Variants in PRKN observed in about 807,000 individuals in gnomAD.
PRKN encodes E3 ubiquitin-protein ligase parkin.
PRKN carries 56 observed loss-of-function variants against 59.5 expected under a neutral mutation model. That is an observed-to-expected ratio of 0.94 (90% CI 0.76 to 1.18). PRKN has a LOEUF of 1.18. Among genes scored for constraint, PRKN ranks in the 50% most tolerant of loss-of-function variants. The probability of loss-of-function intolerance (pLI) is 0.00; values close to 1 mark genes in which losing one functional copy is unlikely to be tolerated. For synonymous variants in PRKN, 250 were observed against 222.1 expected, an observed-to-expected ratio of 1.13 and a Z score of -1.12; for missense variants, 657 against 596.4, an observed-to-expected ratio of 1.10 and a Z score of -1.06.
rs112268739 is a variant in PRKN, at chr6:162,480,976, TTGTG to T, written c.8-37507_8-37504del. On this transcript the variant is annotated intron_variant, in intron 1 of 11. Coordinates refer to ENST00000366898, the MANE Select transcript of PRKN (RefSeq NM_004562.3). ...GTGCACCACCAAGCCCAGCTAATTT[TTGTG>T]TGTGTGTGTGTGTGTGTATTTTTAG... Among the ~76,000 whole-genome samples the T allele has an allele frequency of 5.0e-3, 747 of 150,028 alleles. 7 individuals are homozygous for T. Among genetic ancestry groups the T allele is most frequent in the African/African-American group, 0.018 (723 of 40,854 alleles).
At chr6:162,610,995 T>C (rs1258981942) in intron 1 of PRKN, among the ~76,000 whole-genome samples, 3 of 152,184 alleles carry the variant, frequency 2.0e-5, no homozygotes, top group Admixed American at 6.6e-5. Flanking sequence ...ATCATAATTA[T>C]CTTTAGATTT....
intron 7 of PRKN, among the ~76,000 whole-genome samples, chr6:161,589,906 A>G (rs1258085536): frequency 6.6e-6 from 1 of 151,284 alleles, no homozygotes; most frequent in South Asian, 2.1e-4. Flanking sequence ...CAGCCTCACA[A>G]GTAGCTGGGA....
chr6:161,797,791 T>C (rs1366497021), intron 6 of PRKN, among the ~76,000 whole-genome samples: 1 of 152,222 alleles, frequency 6.6e-6, no homozygotes, highest in Non-Finnish European at 1.5e-5. Context: ...GATAAAATTA[T>C]TTTCCCAACT....
At chr6:162,145,643 G>A (rs1326593530) in intron 4 of PRKN, among the ~76,000 whole-genome samples, 1 of 152,032 alleles carries the variant, frequency 6.6e-6, no homozygotes, top group African/African-American at 2.4e-5. Flanking sequence ...GCAGCTCAAG[G>A]GCCCCAGATA....
In PRKN at chr6:162,168,326, A is replaced by C. The variant is rs1226067864; in HGVS notation, c.534+32805T>G. Among the ~76,000 whole-genome samples, 4 of 152,076 alleles carry C rather than the reference A, an allele frequency of 2.6e-5. No homozygotes were observed. The East Asian group carries it at 7.7e-4, about 29-fold the overall frequency. On this transcript the variant is annotated intron_variant, in intron 4 of 11. Transcript: ENST00000366898. ...CTTAAAGTTGGGTACTCCTATCAAA[A>C]TCCAAGACAGTGCATTGCTTCTTTC...
At chr6:162,028,968 T>A (rs1783540079) in intron 5 of PRKN, among the ~76,000 whole-genome samples, 1 of 152,318 alleles carries the variant, frequency 6.6e-6, no homozygotes, top group African/African-American at 2.4e-5. Context: ...ACTGTGGTGA[T>A]GTTTAGAATG....
rs1785533904 is a variant in PRKN, at chr6:161,373,673, C to T, written c.1167+13121G>A. ...TAAATGGGCTACACCTCTGTGCTTG[C>T]GGGGTGCTGAGTTTAAACGGGCTAT... On this transcript the variant is annotated intron_variant, in intron 10 of 11. Transcript: ENST00000366898. This position sits in a 1 kb window ranked among gnomAD's most constrained non-coding sequence, Gnocchi z 4.8. Among the ~76,000 whole-genome samples the T allele has an allele frequency of 6.6e-6, 1 of 150,534 alleles. No individual in the cohort carries two copies. Among genetic ancestry groups the T allele is most frequent in the African/African-American group, 2.5e-5 (1 of 40,806 alleles).
intron 7 of PRKN, among the ~76,000 whole-genome samples, chr6:161,776,398 T>C (rs530236974): frequency 9.8e-5 from 15 of 152,366 alleles, no homozygotes; most frequent in Non-Finnish European, 1.6e-4. Context: ...TAGGCTGTTT[T>C]GGCTATGTTT....
intron 1 of PRKN, among the ~76,000 whole-genome samples, chr6:162,520,480 G>A (rs1778040928): frequency 6.6e-6 from 1 of 152,158 alleles, no homozygotes; most frequent in South Asian, 2.1e-4. Flanking sequence ...TCTTGCCCAA[G>A]TGCTGCTATT....
At chr6:161,733,793 T>TATATATATATATATAC (rs1562641758) in intron 7 of PRKN, among the ~76,000 whole-genome samples, 2 of 70,052 alleles carry the variant, frequency 2.9e-5, no homozygotes, top group African/African-American at 1.1e-4. Flanking sequence ...AATATATATA[T>TATATATATATATATAC]ATATGTATAT....
At chr6:162,680,406 T>TATAC (rs924204708) in intron 1 of PRKN, among the ~76,000 whole-genome samples, 6 of 151,350 alleles carry the variant, frequency 4.0e-5, no homozygotes, top group African/African-American at 1.5e-4. Flanking sequence ...TATATATATG[T>TATAC]ACACACATAC....
At chr6:162,676,364 TAGC>T (rs1294422968) in intron 1 of PRKN, among the ~76,000 whole-genome samples, 1 of 149,750 alleles carries the variant, frequency 6.7e-6, no homozygotes, top group Non-Finnish European at 1.5e-5. Flanking sequence ...AAAAAAAAAA[TAGC>T]AGAGGTGAAA....
chr6:162,193,838 C>T (rs975202360), intron 4 of PRKN, among the ~76,000 whole-genome samples: 4 of 152,172 alleles, frequency 2.6e-5, no homozygotes, highest in Admixed American at 6.6e-5. Context: ...CAGTGTACAA[C>T]TGCCTGGAGC....
intron 6 of PRKN, among the ~76,000 whole-genome samples, chr6:161,941,208 C>T (rs1380035140): frequency 6.6e-6 from 1 of 152,226 alleles, no homozygotes; most frequent in Non-Finnish European, 1.5e-5. Flanking sequence ...TGGCCTTCCA[C>T]ATCCCCATCC....
intron 1 of PRKN, among the ~76,000 whole-genome samples, chr6:162,463,930 T>C (rs1198069737): frequency 1.3e-5 from 2 of 152,238 alleles, no homozygotes; most frequent in Non-Finnish European, 2.9e-5. Flanking sequence ...TATTTTGTTG[T>C]TGTTTTTGGG....
chr6:162,169,507 C>T (rs1783157289), intron 4 of PRKN, among the ~76,000 whole-genome samples: 1 of 152,184 alleles, frequency 6.6e-6, no homozygotes, highest in African/African-American at 2.4e-5. Context: ...AATAAGACTT[C>T]TGAAATACTT....
At chr6:162,046,175 C>T (rs1171820933) in intron 5 of PRKN, among the ~76,000 whole-genome samples, 1 of 152,172 alleles carries the variant, frequency 6.6e-6, no homozygotes, top group Admixed American at 6.5e-5. Flanking sequence ...TCTAAACCTG[C>T]AATGCAACCA....
intron 1 of PRKN, among the ~76,000 whole-genome samples, chr6:162,586,143 T>C (rs542158265): frequency 1.3e-5 from 2 of 152,302 alleles, no homozygotes; most frequent in East Asian, 1.9e-4. Flanking sequence ...CACCCCCATT[T>C]AGCCTGACCC....
chr6:161,937,754 TTTTG>T (rs1424299918), intron 6 of PRKN, among the ~76,000 whole-genome samples: 16 of 152,220 alleles, frequency 1.1e-4, no homozygotes, highest in Non-Finnish European at 1.9e-4. Flanking sequence ...GAAAACTCTG[TTTTG>T]TTTGTTTGTT....
Sources: gnomAD v4.1 joint callset for allele counts (sites outside exome capture counted in the v4.1 genomes callset) on GRCh38, gnomAD v4.1.1 for gene constraint, Gnocchi (gnomAD v3.1) non-coding constraint, MANE v1.5 for transcripts, NCBI Gene and HGNC (gene_info 2026-07-23, HGNC 2026-07-21) for gene names.